Variants in EFCAB8 observed in about 807,000 individuals in gnomAD.
The protein encoded by EFCAB8 is EF-hand calcium binding domain 8, also known as EF-hand calcium-binding domain-containing protein 8.
In EFCAB8, 100 loss-of-function variants were observed where a neutral mutation model predicts 116.3. The observed-to-expected ratio is 0.86, with a 90% CI of 0.73 to 1.02. The LOEUF (loss-of-function observed/expected upper bound fraction) is 1.02, where lower values mean the gene tolerates loss of function less well. Ranked by LOEUF, EFCAB8 falls within the 50% of genes least tolerant of loss-of-function variation. The pLI is 0.00. For synonymous variants in EFCAB8, 558 were observed against 567.9 expected, an observed-to-expected ratio of 0.98 and a Z score of 0.25; for missense variants, 1,320 against 1,416.9, an observed-to-expected ratio of 0.93 and a Z score of 1.10.
At position 32,917,420 on chromosome 20, in the gene EFCAB8, A is replaced by G. The variant is rs1445635135; in HGVS notation, c.1976A>G (p.Asp659Gly). 5 of 1,552,056 alleles carry G rather than the reference A, an allele frequency of 3.2e-6. No individual in the cohort carries two copies. The highest frequency in any genetic ancestry group is 3.5e-6 in the Non-Finnish European group (4 of 1,147,068). Residue 659 changes from aspartate to glycine, a missense_variant, in exon 18 of 27, where the codon GAC (aspartate) becomes GGC (glycine). Coordinates refer to ENST00000400522, the MANE Select transcript of EFCAB8 (RefSeq NM_001143967.2). ...CTTGGGACCTCCTCCTACAGTGGGG[A>G]CATCCTCTTCTGGAACACCGGCACA... Reference protein sequence around the residue: ...QFLGTSSYSGDILFWNTGTLK... With the variant: ...QFLGTSSYSGGILFWNTGTLK...
At chr20:32,910,023 C>A in intron 15 of EFCAB8, 92 bp downstream of exon 15, 1 of 571,164 alleles carries the variant, frequency 1.8e-6, no homozygotes, top group South Asian at 9.4e-5. Flanking sequence ...GGTCTGTAGT[C>A]AGCTCCCATG....
rs1456578838 is a variant in EFCAB8, at chr20:32,875,896, G to A, written c.209-30G>A. On this transcript the variant is annotated intron_variant, in intron 3 of 26. Transcript: ENST00000400522. ...ATGGGCCGAGGGACTTGTGAGGAAGGGGATGATGCTCTCTGTTCTCTCTTT... is the reference window on the plus strand; with the variant it reads ...ATGGGCCGAGGGACTTGTGAGGAAGAGGATGATGCTCTCTGTTCTCTCTTT... 3.2e-6 allele frequency: 5 copies of A among 1,541,984 alleles called. No individual in the cohort carries two copies. The South Asian group carries it at 6.0e-5, about 18-fold the overall frequency.
intron 23 of EFCAB8, among the ~76,000 whole-genome samples, chr20:32,955,491 G>A (rs906433280): frequency 6.6e-6 from 1 of 152,188 alleles, no homozygotes; most frequent in Non-Finnish European, 1.5e-5. Context: ...AGTGAGTTAA[G>A]ACTGCGCTGC....
At position 32,867,446 on chromosome 20, in the gene EFCAB8, G is replaced by A. The variant is rs1046605357; in HGVS notation, c.43-136G>A. 16 of 973,654 alleles carry A rather than the reference G, an allele frequency of 1.6e-5. No individual in the cohort carries two copies. The African/African-American group carries it at 2.7e-4, about 16-fold the overall frequency. The allele number at this position is 973,654 out of a possible 1,614,324, so 60.3% of individuals were successfully genotyped here. ...AGGTGTAAAAATGGTTAAGAATTCT[G>A]TATTTCTGTCAGTGACATCATAACA... On this transcript the variant is annotated intron_variant, in intron 2 of 26. Transcript: ENST00000400522.
chr20:32,906,966 G>A lies in EFCAB8; in HGVS notation c.1280G>A (p.Ser427Asn). Residue 427 changes from serine to asparagine, a missense_variant, in exon 13 of 27, where the codon AGC (serine) becomes AAC (asparagine). Ser to Asn is a conservative substitution (Grantham distance 46, BLOSUM62 1). Coordinates refer to ENST00000400522, the MANE Select transcript of EFCAB8 (RefSeq NM_001143967.2). ...ATCCTTGTGGATAGCAGGAACAACA[G>A]CATCCTCATCAGTGTCTCCAAGGAC... ...THILVDSRNN[S>N]ILISVSKDKN... is the part of the protein sequence containing the mutation. The A allele has an allele frequency of 6.5e-7, 1 of 1,535,310 alleles. No homozygotes were observed. Among genetic ancestry groups the A allele is most frequent in the Non-Finnish European group, 8.8e-7 (1 of 1,138,264 alleles).
chr20:32,867,425 G>A (rs1177841022), intron 2 of EFCAB8, among the ~76,000 whole-genome samples, 157 bp from the exon 3 acceptor site: 1 of 152,208 alleles, frequency 6.6e-6, no homozygotes, highest in Admixed American at 6.5e-5. Context: ...CTTCTTAGGT[G>A]TAAAAATGGT....
At chr20:32,918,047 CT>C (rs1350333834) in intron 18 of EFCAB8, among the ~76,000 whole-genome samples, 1 of 152,182 alleles carries the variant, frequency 6.6e-6, no homozygotes, top group African/African-American at 2.4e-5. Flanking sequence ...AGCTTTTTAT[CT>C]GTTTTATGCT....
At chr20:32,911,370 C>T (rs1343715158) in intron 15 of EFCAB8, 110 bp from the exon 16 acceptor site, 5 of 946,228 alleles carry the variant, frequency 5.3e-6, no homozygotes, top group South Asian at 2.1e-5. Flanking sequence ...GGGCCCTGAA[C>T]GTCTGTTTTC....
In EFCAB8 at chr20:32,959,982, G is replaced by A. The variant is rs1176082425; in HGVS notation, c.3294G>A (p.Gln1098=). ...ACAAGTGGGAGTCCAGGGACAAGCA[G>A]GTGAGGCTGGGAGGGGAGCACAGGG... ...SWNKWESRDK[Q]VSKVLGAAYK... The change falls in exon 25 of 27, where the codon CAG becomes CAA. Residue 1098 remains glutamine (Q), a splice_region_variant and synonymous_variant. Transcript: ENST00000400522. The A allele has an allele frequency of 6.4e-7, 1 of 1,551,634 alleles. No homozygotes were observed. Among genetic ancestry groups the A allele is most frequent in the Non-Finnish European group, 8.7e-7 (1 of 1,146,946 alleles).
intron 10 of EFCAB8, 180 bp from the exon 11 acceptor site, chr20:32,898,303 ATGGCCAGTGC>A (rs1315776952): frequency 9.7e-6 from 5 of 514,438 alleles, no homozygotes; most frequent in African/African-American, 3.8e-5. Context: ...GTGACGAGAG[ATGGCCAGTGC>A]TGGTCATAGG....
intron 23 of EFCAB8, 85 bp from the exon 24 acceptor site, chr20:32,958,336 C>T: frequency 2.4e-6 from 1 of 412,212 alleles, no homozygotes; most frequent in Non-Finnish European, 4.5e-6. Flanking sequence ...TGCTAGCTGA[C>T]CCTTGAAGGG....
rs1424950516 is a variant in EFCAB8 at position 32,906,821 on chromosome 20, G to A, written c.1157-22G>A. The A allele has an allele frequency of 2.4e-6, 3 of 1,237,158 alleles. No individual in the cohort carries two copies. The African/African-American group carries it at 4.5e-5, about 19-fold the overall frequency. 76.6% of individuals were successfully genotyped at this position (1,237,158 alleles called of 1,614,324 possible). On this transcript the variant is annotated intron_variant, in intron 12 of 26. Transcript: ENST00000400522. The stretch of plus-strand genomic sequence containing the variant: ...GTCCCCAGTGGAGGCCCCTGGGACT[G>A]ACACCCACGTCTTGACCACAGTGAC...
Position 32,878,589 on chromosome 20 carries a change from C to T in EFCAB8, c.328-115C>T. The T allele has an allele frequency of 5.9e-6, 4 of 682,392 alleles. 1 individual carries two copies. Among genetic ancestry groups the T allele is most frequent in the Admixed American group, 2.4e-5 (1 of 42,086 alleles). The allele number at this position is 682,392 out of a possible 1,614,324, so 42.3% of individuals were successfully genotyped here. A position where few individuals can be genotyped will look rare whatever the true frequency, so the allele number is the denominator to read the frequency against. ...GCGGACTGCAGTGGCGCAATCTCGG[C>T]TCACTGCAAGCTCCGCTTCCCGGGT... On this transcript the variant is annotated intron_variant, in intron 4 of 26. Transcript: ENST00000400522.
intron 5 of EFCAB8, among the ~76,000 whole-genome samples, chr20:32,879,017 ATGAGGCCAC>A (rs1244787538): frequency 6.6e-6 from 1 of 152,196 alleles, no homozygotes; most frequent in Non-Finnish European, 1.5e-5. Context: ...CATTTTATAG[ATGAGGCCAC>A]TGAGGTCTGG....
At chr20:32,905,759 C>CAAAAAA (rs571052063) in intron 11 of EFCAB8, among the ~76,000 whole-genome samples, 2 of 71,504 alleles carry the variant, frequency 2.8e-5, no homozygotes, top group African/African-American at 1.1e-4. Context: ...GACTCCATCT[C>CAAAAAA]AAAAAAAAAA....
At chr20:32,882,205 G>GA (rs376863681) in intron 5 of EFCAB8, among the ~76,000 whole-genome samples, 65 of 144,174 alleles carry the variant, frequency 4.5e-4, no homozygotes, top group Non-Finnish European at 4.9e-4. Context: ...GTCTCAAAAA[G>GA]AAAAAAAAAA....
At chr20:32,906,531 C>T in intron 11 of EFCAB8, 31 bp from the exon 12 acceptor site, 2 of 718,218 alleles carry the variant, frequency 2.8e-6, no homozygotes, top group South Asian at 3.0e-5. Context: ...CTGCTCCCGG[C>T]CCTGCAGCCC....
chr20:32,947,688 GA>G lies in EFCAB8; in HGVS notation c.2959+3885del, dbSNP rs374784246. Reference sequence around the variant, plus strand: ...AAATGTAACATTTCAAAATTTATGAGATGCCACAAAAAACAGTAGTAACGGG... The same window carrying G: ...AAATGTAACATTTCAAAATTTATGAGTGCCACAAAAAACAGTAGTAACGGG... On this transcript the variant is annotated intron_variant, in intron 23 of 26. Transcript: ENST00000400522. Among the ~76,000 whole-genome samples the G allele has an allele frequency of 3.0e-3, 456 of 152,168 alleles. 1 individual carries two copies. Among genetic ancestry groups the G allele is most frequent in the African/African-American group, 9.8e-3 (408 of 41,522 alleles).
chr20:32,944,397 A>C (rs993140534), intron 23 of EFCAB8, among the ~76,000 whole-genome samples: 2 of 152,120 alleles, frequency 1.3e-5, no homozygotes, highest in Non-Finnish European at 2.9e-5. Context: ...CCTGGGAGGC[A>C]GAGGTTGCAG....
Sources: allele counts gnomAD v4.1 joint callset (sites outside exome capture counted in the v4.1 genomes callset), GRCh38; gene constraint gnomAD v4.1.1; transcripts MANE v1.5; gene names NCBI Gene and HGNC (gene_info 2026-07-23, HGNC 2026-07-21).